RIN2: variants seen among roughly 807,000 people sequenced by gnomAD.
The protein encoded by RIN2 is Ras and Rab interactor 2, also known as RAB5 interacting protein 2.
A neutral mutation model predicts 78.0 loss-of-function variants in RIN2; 36 were observed. The observed-to-expected ratio is 0.46, with a 90% CI of 0.35 to 0.61. The LOEUF is 0.61. Ranked by LOEUF, RIN2 falls within the 20% of genes least tolerant of loss-of-function variation. The probability of loss-of-function intolerance (pLI) is 0.00; values close to 1 mark genes in which losing one functional copy is unlikely to be tolerated. For missense variants in RIN2, 1,087 were observed against 1,159.7 expected, an observed-to-expected ratio of 0.94 and a Z score of 0.91; for synonymous variants, 466 against 466.8, an observed-to-expected ratio of 1.00 and a Z score of 0.02.
chr20:19,888,105 C>A (rs963918352), intron 2 of RIN2, among the ~76,000 whole-genome samples: 11 of 152,160 alleles, frequency 7.2e-5, no homozygotes, highest in Non-Finnish European at 1.3e-4. Flanking sequence ...GGAACATTGG[C>A]CTTCATCCCA....
chr20:19,956,557 T>A, intron 4 of RIN2, 58 bp from the exon 5 acceptor site: 1 of 1,538,042 alleles, frequency 6.5e-7, no homozygotes, highest in Non-Finnish European at 8.9e-7. Context: ...AGGGACGGTC[T>A]CCTTGTTAGG....
In RIN2 at chr20:19,975,261, G is replaced by A. The variant is rs1601011061; in HGVS notation, c.1236G>A (p.Pro412=). The A allele has an allele frequency of 1.9e-6, 3 of 1,584,358 alleles. No individual in the cohort carries two copies. The highest frequency in any genetic ancestry group is 1.1e-5 in the South Asian group (1 of 87,858). ...CCCCGGGGGATTGCACAAGGGCCCC[G>A]CCGCCCAGCTCTGAATCACGGCCCC... ...EAAPGDCTRA[P]PPSSESRPPC... The change falls in exon 9 of 13, where the codon CCG becomes CCA. Residue 412 remains proline (P), a synonymous_variant. Coordinates refer to ENST00000255006, the MANE Select transcript of RIN2 (RefSeq NM_018993.4). The surrounding 1 kb of genome is among the most constrained non-coding windows in gnomAD (Gnocchi z 4.9).
At chr20:19,815,663 T>G (rs1463774543) in intron 2 of RIN2, among the ~76,000 whole-genome samples, 1 of 152,264 alleles carries the variant, frequency 6.6e-6, no homozygotes, top group Non-Finnish European at 1.5e-5. Flanking sequence ...CAACCTTTTC[T>G]TTGAGTTAAT....
chr20:19,928,146 G>T (rs1444475422), intron 3 of RIN2, among the ~76,000 whole-genome samples: 1 of 152,194 alleles, frequency 6.6e-6, no homozygotes, highest in African/African-American at 2.4e-5. Flanking sequence ...CAGGTCATCT[G>T]CCCACCTCAG....
chr20:19,792,576 G>A (rs181662661), intron 1 of RIN2, among the ~76,000 whole-genome samples: 482 of 152,234 alleles, frequency 3.2e-3, no homozygotes, highest in African/African-American at 0.011. Context: ...AGGACTTAGC[G>A]CACACATGGG....
intron 2 of RIN2, among the ~76,000 whole-genome samples, chr20:19,836,219 T>C (rs547418258): frequency 6.6e-6 from 1 of 152,338 alleles, no homozygotes; most frequent in South Asian, 2.1e-4. Context: ...ACAGAATTAA[T>C]GCACTGAGTG....
intron 2 of RIN2, among the ~76,000 whole-genome samples, chr20:19,802,739 C>CTCAGGTTTTAGTG (rs1453263172): frequency 6.6e-6 from 1 of 152,088 alleles, no homozygotes; most frequent in Non-Finnish European, 1.5e-5. Context: ...TCCTGAAGGC[C>CTCAGGTTTTAGTG]CCCTCAAAAG....
At chr20:19,882,260 C>T (rs1039314584) in intron 2 of RIN2, among the ~76,000 whole-genome samples, 3 of 152,100 alleles carry the variant, frequency 2.0e-5, no homozygotes, top group African/African-American at 4.8e-5. Context: ...TGAAAACAGC[C>T]AACACCTCAC....
At chr20:19,950,168 G>T (rs67374155) in intron 4 of RIN2, among the ~76,000 whole-genome samples, 8,633 of 152,238 alleles carry the variant, frequency 0.057, 489 homozygotes, top group East Asian at 0.3. Flanking sequence ...AGGTTTGGTT[G>T]TAATTGGAAT....
intron 3 of RIN2, among the ~76,000 whole-genome samples, chr20:19,889,870 G>A (rs921624563): frequency 6.6e-6 from 1 of 152,166 alleles, no homozygotes; most frequent in African/African-American, 2.4e-5. Flanking sequence ...ACAGGACTCG[G>A]GCACGGAGAG....
intron 7 of RIN2, among the ~76,000 whole-genome samples, chr20:19,969,235 G>T (rs1023777724): frequency 6.6e-6 from 1 of 152,118 alleles, no homozygotes; most frequent in Non-Finnish European, 1.5e-5. Flanking sequence ...AGGTTGTTTG[G>T]TATCATTATT....
chr20:19,807,150 G>A (rs756219776), intron 2 of RIN2, among the ~76,000 whole-genome samples: 10 of 152,254 alleles, frequency 6.6e-5, no homozygotes, highest in Non-Finnish European at 1.3e-4. Context: ...AAGAAACCTT[G>A]TAAAGCTTGT....
chr20:19,808,570 C>A (rs565366916), intron 2 of RIN2, among the ~76,000 whole-genome samples: 1 of 152,318 alleles, frequency 6.6e-6, no homozygotes, highest in South Asian at 2.1e-4. Flanking sequence ...GCACGAGGTG[C>A]CTCCCCTCCC....
At chr20:19,776,751 A>G in intron 1 of RIN2, among the ~76,000 whole-genome samples, 1 of 151,686 alleles carries the variant, frequency 6.6e-6, no homozygotes. Flanking sequence ...AAAAAGAAAG[A>G]AAGAAAAAAT....
intron 4 of RIN2, among the ~76,000 whole-genome samples, chr20:19,951,329 C>T (rs1264873849): frequency 6.6e-6 from 1 of 152,048 alleles, no homozygotes; most frequent in East Asian, 1.9e-4. Flanking sequence ...AAGTTTTGGC[C>T]ATTGGTTTTG....
intron 1 of RIN2, among the ~76,000 whole-genome samples, chr20:19,797,511 C>A (rs1051503577): frequency 6.6e-6 from 1 of 152,176 alleles, no homozygotes; most frequent in Admixed American, 6.6e-5. Flanking sequence ...AACAGGCTCC[C>A]TTTACTCTGT....
intron 2 of RIN2, among the ~76,000 whole-genome samples, chr20:19,877,524 C>G (rs2037894109): frequency 6.6e-6 from 1 of 152,134 alleles, no homozygotes; most frequent in South Asian, 2.1e-4. Context: ...GGAAGGAGCA[C>G]AAGAGCCAGG....
chr20:20,001,869 G>T lies in RIN2; in HGVS notation c.*933G>T, dbSNP rs979964674. 6.6e-5 allele frequency: 10 copies of T among 152,582 alleles called. No homozygotes were observed. The highest frequency in any genetic ancestry group is 2.4e-4 in the African/African-American group (10 of 41,424). 9.5% of individuals were successfully genotyped at this position (152,582 alleles called of 1,614,324 possible). On this transcript the variant is annotated 3_prime_UTR_variant, in exon 13 of 13. Coordinates refer to ENST00000255006, the MANE Select transcript of RIN2 (RefSeq NM_018993.4). The stretch of plus-strand genomic sequence containing the variant: ...AAAGATGTAGAAAAAGAGATAGAAG[G>T]AACCACCTATGCTTAAAATACTGTA...
At chr20:19,913,325 C>G (rs1224820792) in intron 3 of RIN2, among the ~76,000 whole-genome samples, 1 of 152,076 alleles carries the variant, frequency 6.6e-6, no homozygotes. Context: ...CCATTTTAAG[C>G]ACTTTAGTGA....
Sources: allele counts gnomAD v4.1 joint callset (sites outside exome capture counted in the v4.1 genomes callset), GRCh38; gene constraint gnomAD v4.1.1; non-coding constraint Gnocchi (gnomAD v3.1); transcripts MANE v1.5; gene names NCBI Gene and HGNC (gene_info 2026-07-23, HGNC 2026-07-21).